The following IL34 variants were observed in gnomAD, a reference collection of about 807,000 sequenced individuals.
IL34 encodes the protein interleukin-34.
In IL34, 17 loss-of-function variants were observed where a neutral mutation model predicts 25.3. The ratio of observed to expected loss-of-function variants is 0.67; its 90% CI spans 0.46 to 1.01. IL34 has a LOEUF of 1.01. IL34 is among the 50% of genes least tolerant of loss of function. The pLI is 0.00. For missense variants in IL34, 368 were observed against 312.9 expected (o/e 1.18, Z -1.33); for synonymous variants, 174 against 140.9 (o/e 1.23, Z -1.66).
At chr16:70,596,407 C>T (rs957487973) in intron 1 of IL34, among the ~76,000 whole-genome samples, 12 of 152,156 alleles carry the variant, frequency 7.9e-5, no homozygotes, top group African/African-American at 1.4e-4. Context: ...CAAAGAGGAC[C>T]GTGGTCATGA....
At chr16:70,583,768 C>T (rs1358073980) in intron 1 of IL34, among the ~76,000 whole-genome samples, 3 of 152,052 alleles carry the variant, frequency 2.0e-5, no homozygotes, top group African/African-American at 7.2e-5. Flanking sequence ...TTTCATGCCT[C>T]AGCCTCCCCA....
At chr16:70,616,908 G>A (rs1464526218) in intron 1 of IL34, among the ~76,000 whole-genome samples, 4 of 152,136 alleles carry the variant, frequency 2.6e-5, no homozygotes, top group African/African-American at 9.7e-5. Context: ...GGGCTCAGAG[G>A]CCTGACATTC....
intron 1 of IL34, among the ~76,000 whole-genome samples, chr16:70,621,518 C>G (rs556876376): frequency 6.6e-6 from 1 of 152,160 alleles, no homozygotes. Flanking sequence ...GACCTGAGGT[C>G]GTAGGTGGAT....
intron 1 of IL34, among the ~76,000 whole-genome samples, chr16:70,649,856 C>T (rs7198170): frequency 0.33 from 49,418 of 151,918 alleles, 8,203 homozygotes; most frequent in South Asian, 0.46. Context: ...TGGAGTGCTG[C>T]GGCACGATCT....
intron 1 of IL34, among the ~76,000 whole-genome samples, chr16:70,603,889 T>G (rs890859524): frequency 6.6e-6 from 1 of 152,186 alleles, no homozygotes; most frequent in Non-Finnish European, 1.5e-5. Context: ...CCTGATTCTT[T>G]CTATTGCTGA....
chr16:70,622,875 C>T (rs1339533382), intron 1 of IL34, among the ~76,000 whole-genome samples: 2 of 151,982 alleles, frequency 1.3e-5, no homozygotes, highest in East Asian at 1.9e-4. Context: ...TGCAGCGGCA[C>T]CCGCTGTATG....
intron 1 of IL34, among the ~76,000 whole-genome samples, chr16:70,633,087 C>T (rs2051556127): frequency 6.6e-6 from 1 of 152,114 alleles, no homozygotes; most frequent in African/African-American, 2.4e-5. Flanking sequence ...ACCTTAGCCT[C>T]CTTAGCAGCT....
chr16:70,644,695 TGAGGAG>T (rs544040162), upstream of IL34, among the ~76,000 whole-genome samples: 4 of 75,244 alleles, frequency 5.3e-5, no homozygotes, highest in African/African-American at 5.3e-5. Context: ...ATTGCCAGGG[TGAGGAG>T]GAGGAGGAGG....
At chr16:70,619,335 G>A (rs979184292) in intron 1 of IL34, among the ~76,000 whole-genome samples, 4 of 152,022 alleles carry the variant, frequency 2.6e-5, no homozygotes, top group Middle Eastern at 3.2e-3. Context: ...AAGAGGAGAC[G>A]CAAAGGAGGC....
intron 1 of IL34, among the ~76,000 whole-genome samples, chr16:70,627,214 AT>A (rs1346448004): frequency 5.9e-5 from 9 of 152,114 alleles, no homozygotes; most frequent in Non-Finnish European, 1.2e-4. Context: ...ATTTTTTTCC[AT>A]TTGAACTTTA....
rs113259553 is a variant in IL34 at position 70,594,937 on chromosome 16, C to A, written c.-401+14888C>A. 1.3e-3 allele frequency among the ~76,000 whole-genome samples: 163 copies of A among 130,222 alleles called. 3 individuals carry two copies. The highest frequency in any genetic ancestry group is 6.3e-3 in the African/African-American group (144 of 22,688). The allele number at this position is 130,222 out of a possible 152,430, so 85.4% of individuals were successfully genotyped here. ...TCCAGGTGGCTGCATTTCAATTTAT[C>A]TCTCTCTCTCTCTCTCTCTTTTTTT... On this transcript the variant is annotated intron_variant, in intron 1 of 6. Transcript: ENST00000429149.
At chr16:70,641,515 CCCTCCCTT>C in intron 1 of IL34, among the ~76,000 whole-genome samples, 2 of 142,916 alleles carry the variant, frequency 1.4e-5, no homozygotes, top group African/African-American at 2.6e-5. Flanking sequence ...CTCTCTCCCT[CCCTCCCTT>C]CCTCCCTCCC....
At chr16:70,649,775 C>T (rs1380420716) in intron 1 of IL34, among the ~76,000 whole-genome samples, 1 of 150,906 alleles carries the variant, frequency 6.6e-6, no homozygotes, top group East Asian at 2.0e-4. Flanking sequence ...TCCTCTCTGT[C>T]TTGCAGGTTG....
intron 1 of IL34, among the ~76,000 whole-genome samples, chr16:70,625,669 G>T (rs140113454): frequency 6.6e-6 from 1 of 152,026 alleles, no homozygotes; most frequent in Non-Finnish European, 1.5e-5. Flanking sequence ...CCAAGGGAAG[G>T]CTGCCTTCCC....
intron 1 of IL34, among the ~76,000 whole-genome samples, chr16:70,631,849 A>G (rs1249633319): frequency 6.6e-6 from 1 of 152,006 alleles, no homozygotes; most frequent in African/African-American, 2.4e-5. Flanking sequence ...TCATTTCCTC[A>G]TCAGTAAGAG....
At chr16:70,634,621 A>C (rs529554725) in intron 1 of IL34, among the ~76,000 whole-genome samples, 1 of 151,722 alleles carries the variant, frequency 6.6e-6, no homozygotes, top group Non-Finnish European at 1.5e-5. Flanking sequence ...CGGAGGTTGC[A>C]GTGAGCCGAG....
chr16:70,627,943 G>A (rs1034374256), intron 1 of IL34, among the ~76,000 whole-genome samples: 8 of 152,104 alleles, frequency 5.3e-5, no homozygotes, highest in Admixed American at 2.6e-4. Flanking sequence ...GATTTCTGTT[G>A]GATATTTACT....
chr16:70,643,500 A>G (rs749121926), upstream of IL34, among the ~76,000 whole-genome samples: 4 of 152,198 alleles, frequency 2.6e-5, no homozygotes, highest in Non-Finnish European at 5.9e-5. Context: ...CCTCCCAAGT[A>G]GCTGGGACCA....
In IL34 at chr16:70,597,799, A is replaced by G. The variant is rs963368601; in HGVS notation, c.-401+17750A>G. Among the ~76,000 whole-genome samples, 12 of 152,316 alleles carry G rather than the reference A, an allele frequency of 7.9e-5. 1 individual carries two copies. Among genetic ancestry groups the G allele is most frequent in the East Asian group, 1.9e-4 (1 of 5,166 alleles). The stretch of plus-strand genomic sequence containing the variant: ...CTTTATATAGCTGTCCCTCTCCAGA[A>G]TAGGCCAGGAAATGCCTGGGTGGCC... On this transcript the variant is annotated intron_variant, in intron 1 of 6. Transcript: ENST00000429149.
Sources: gnomAD v4.1 joint callset for allele counts (sites outside exome capture counted in the v4.1 genomes callset) on GRCh38, gnomAD v4.1.1 for gene constraint, MANE v1.5 for transcripts, NCBI Gene and HGNC (gene_info 2026-07-23, HGNC 2026-07-21) for gene names.